RPH3A: variants seen among roughly 807,000 people sequenced by gnomAD.
RPH3A encodes rabphilin-3A.
In RPH3A, 48 loss-of-function variants were observed where a neutral mutation model predicts 102.2. The observed-to-expected ratio is 0.47, with a 90% CI of 0.37 to 0.60. The LOEUF is 0.60. Ranked by LOEUF, RPH3A falls within the 20% of genes least tolerant of loss-of-function variation. RPH3A has a pLI of 0.00. For missense variants in RPH3A, 781 were observed against 910.1 expected (o/e 0.86, Z 1.83); for synonymous variants, 310 against 324.3 (o/e 0.96, Z 0.47).
At chr12:112,860,389 G>A (rs543571480) in intron 5 of RPH3A, among the ~76,000 whole-genome samples, 51 of 152,146 alleles carry the variant, frequency 3.4e-4, no homozygotes, top group Non-Finnish European at 5.9e-4. Flanking sequence ...GCATTTCTGT[G>A]CCATTTGCTG....
At chr12:112,862,651 T>A (rs1027575439) in intron 5 of RPH3A, among the ~76,000 whole-genome samples, 16 of 151,902 alleles carry the variant, frequency 1.1e-4, no homozygotes, top group Admixed American at 1.0e-3. Flanking sequence ...CCTTCAGCTC[T>A]GTGCATGGTG....
At chr12:112,690,349 T>C (rs1015112911) in intron 1 of RPH3A, among the ~76,000 whole-genome samples, 5 of 152,344 alleles carry the variant, frequency 3.3e-5, no homozygotes, top group African/African-American at 1.2e-4. Context: ...CCACCCCTTT[T>C]GTCCCAAGGT....
intron 1 of RPH3A, among the ~76,000 whole-genome samples, chr12:112,748,274 A>G (rs1756570714): frequency 6.6e-6 from 1 of 152,136 alleles, no homozygotes; most frequent in East Asian, 1.9e-4. Context: ...ATGGCTATAC[A>G]TTGGAATCAT....
At chr12:112,893,294 A>G (rs1252204391) in intron 19 of RPH3A, 1 of 152,154 alleles carries the variant, frequency 6.6e-6, no homozygotes, top group African/African-American at 2.4e-5. Context: ...CTAATTCCTC[A>G]TTTTTGTCTC....
chr12:112,740,325 T>C (rs2040700137), intron 1 of RPH3A, among the ~76,000 whole-genome samples: 1 of 152,212 alleles, frequency 6.6e-6, no homozygotes, highest in Admixed American at 6.6e-5. Flanking sequence ...TTAAGCAGCA[T>C]AATGAATTCT....
rs61942351 is a variant in RPH3A, at chr12:112,895,824, G to A, written c.1905G>A (p.Leu635=). Residue 635 remains leucine, a synonymous_variant, in exon 21 of 22, where the codon CTG becomes CTA. Transcript: ENST00000389385. ...IKHSDLAKKS[L]DISVWDYDIG... is the part of the protein sequence containing the mutation. ...ACAGTGACCTGGCAAAGAAGTCACT[G>A]GACATTTCAGTCTGGGACTATGACA... 9.6e-3 allele frequency: 15,487 copies of A among 1,613,876 alleles called. 73 individuals carry two copies. Among genetic ancestry groups the A allele is most frequent in the Non-Finnish European group, 0.011 (12,993 of 1,179,848 alleles).
chr12:112,870,657 C>G (rs2042693293), intron 10 of RPH3A, among the ~76,000 whole-genome samples: 1 of 152,178 alleles, frequency 6.6e-6, no homozygotes, highest in Non-Finnish European at 1.5e-5. Flanking sequence ...CAGGAAGGGG[C>G]TGTGTCTGGG....
chr12:112,859,930 A>C (rs1211671583), intron 5 of RPH3A, among the ~76,000 whole-genome samples: 5 of 152,236 alleles, frequency 3.3e-5, no homozygotes, highest in African/African-American at 1.2e-4. Flanking sequence ...AATTAGATCC[A>C]TAGCTGAGAA....
At chr12:112,795,709 C>A (rs899505984) in intron 2 of RPH3A, among the ~76,000 whole-genome samples, 2 of 152,170 alleles carry the variant, frequency 1.3e-5, no homozygotes, top group Non-Finnish European at 2.9e-5. Flanking sequence ...AAATAAATTT[C>A]TTAGGGTTAG....
intron 1 of RPH3A, among the ~76,000 whole-genome samples, chr12:112,706,503 A>G (rs769905903): frequency 6.6e-6 from 1 of 152,110 alleles, no homozygotes; most frequent in Non-Finnish European, 1.5e-5. Flanking sequence ...GCTTGAACTT[A>G]CATTTCATTC....
At chr12:112,613,902 C>A (rs1199256336) in intron 1 of RPH3A, among the ~76,000 whole-genome samples, 1 of 152,128 alleles carries the variant, frequency 6.6e-6, no homozygotes, top group Non-Finnish European at 1.5e-5. Context: ...TATGATTGCA[C>A]CACTGCACTC....
intron 5 of RPH3A, among the ~76,000 whole-genome samples, chr12:112,851,303 C>T (rs1193584566): frequency 3.9e-5 from 6 of 152,110 alleles, no homozygotes; most frequent in African/African-American, 1.2e-4. Flanking sequence ...GGCTGACTCT[C>T]GGAACTATGC....
intron 1 of RPH3A, among the ~76,000 whole-genome samples, chr12:112,712,103 A>C (rs2040467022): frequency 6.6e-6 from 1 of 152,096 alleles, no homozygotes; most frequent in Non-Finnish European, 1.5e-5. Context: ...AAGTACTGGG[A>C]TTTCAGGGGT....
chr12:112,856,443 A>G (rs1045848094), intron 5 of RPH3A, among the ~76,000 whole-genome samples: 2 of 152,060 alleles, frequency 1.3e-5, no homozygotes, highest in Admixed American at 1.3e-4. Flanking sequence ...ACATGCATGT[A>G]AAAGTGTATT....
intron 2 of RPH3A, among the ~76,000 whole-genome samples, chr12:112,821,336 C>T (rs1368844605): frequency 2.6e-5 from 4 of 152,218 alleles, no homozygotes; most frequent in Non-Finnish European, 1.5e-5. Context: ...GCTTGCATCA[C>T]TGTTCAGAGG....
chr12:112,602,205 G>T (rs2039564346), intron 1 of RPH3A, among the ~76,000 whole-genome samples: 1 of 152,090 alleles, frequency 6.6e-6, no homozygotes, highest in South Asian at 2.1e-4. Flanking sequence ...CCATTGGGAG[G>T]GTTTTGTTGG....
chr12:112,690,387 C>G (rs1335330370), intron 1 of RPH3A, among the ~76,000 whole-genome samples: 4 of 152,204 alleles, frequency 2.6e-5, no homozygotes, highest in Admixed American at 1.3e-4. Context: ...GCACACGAAA[C>G]AATGGGGAAG....
intron 4 of RPH3A, among the ~76,000 whole-genome samples, chr12:112,846,834 C>G (rs574059013): frequency 1.3e-5 from 2 of 152,336 alleles, no homozygotes; most frequent in African/African-American, 4.8e-5. Flanking sequence ...CTCTGATTCT[C>G]TGAACCATTG....
At chr12:112,599,695 A>AAATAG (rs1187704375) in intron 1 of RPH3A, among the ~76,000 whole-genome samples, 3 of 152,340 alleles carry the variant, frequency 2.0e-5, no homozygotes, top group Non-Finnish European at 4.4e-5. Flanking sequence ...ATGCTTGTTG[A>AAATAG]AATAGAATAA....
Sources: allele counts gnomAD v4.1 joint callset (sites outside exome capture counted in the v4.1 genomes callset), GRCh38; gene constraint gnomAD v4.1.1; transcripts MANE v1.5; gene names NCBI Gene and HGNC (gene_info 2026-07-23, HGNC 2026-07-21).